Variants in FRMD4A observed in about 807,000 individuals in gnomAD.
FRMD4A encodes the protein FERM domain-containing protein 4A.
FRMD4A carries 29 observed loss-of-function variants against 129.1 expected under a neutral mutation model. That is an observed-to-expected ratio of 0.22 (90% CI 0.17 to 0.31). The LOEUF is 0.31. Ranked by LOEUF, FRMD4A falls within the 10% of genes least tolerant of loss-of-function variation. The pLI is 1.00. For missense variants in FRMD4A, 1,272 were observed against 1,375.8 expected (o/e 0.92, Z 1.19); for synonymous variants, 634 against 571.6 (o/e 1.11, Z -1.56).
intron 2 of FRMD4A, among the ~76,000 whole-genome samples, chr10:13,904,741 C>G (rs1274823751): frequency 1.3e-5 from 2 of 151,990 alleles, no homozygotes; most frequent in African/African-American, 4.8e-5. Context: ...GTTTGTAATC[C>G]CAGCACTTTG....
chr10:13,693,319 C>T, intron 15 of FRMD4A: 1 of 211,002 alleles, frequency 4.7e-6, no homozygotes, highest in South Asian at 6.6e-5. Context: ...CTCCTCTGTC[C>T]CTCCCAACAT....
At chr10:13,807,878 A>G (rs1328177337) in intron 4 of FRMD4A, among the ~76,000 whole-genome samples, 1 of 149,840 alleles carries the variant, frequency 6.7e-6, no homozygotes, top group South Asian at 2.1e-4. Context: ...GGCTCACTGC[A>G]AACTCTGCCT....
chr10:14,038,962 T>G (rs1833634117), intron 2 of FRMD4A, among the ~76,000 whole-genome samples: 1 of 152,226 alleles, frequency 6.6e-6, no homozygotes, highest in Non-Finnish European at 1.5e-5. Flanking sequence ...TTGAGCATTT[T>G]TGAAAGGGCC....
intron 2 of FRMD4A, among the ~76,000 whole-genome samples, chr10:14,282,813 T>C: frequency 6.6e-6 from 1 of 152,208 alleles, no homozygotes; most frequent in Non-Finnish European, 1.5e-5. Flanking sequence ...TTAGGGTTCT[T>C]CAAGCAAAAA....
chr10:14,327,757 G>C (rs146223584), intron 2 of FRMD4A, among the ~76,000 whole-genome samples: 1 of 152,246 alleles, frequency 6.6e-6, no homozygotes, highest in East Asian at 1.9e-4. Context: ...CACCAACCTG[G>C]TATCAGCCTC....
Position 13,900,411 on chromosome 10 carries a change from AG to A in FRMD4A, c.46-41500del, listed in dbSNP as rs1381313998. On this transcript the variant is annotated intron_variant, in intron 2 of 24. Transcript: ENST00000357447. The stretch of plus-strand genomic sequence containing the variant: ...CTCATGGCAACAAAAACCCAGAGCA[AG>A]GCTTCCTGAAACACAGACAAGAATC... 2.0e-5 allele frequency among the ~76,000 whole-genome samples: 3 copies of A among 152,320 alleles called. No homozygotes were observed. In the East Asian group the frequency reaches 5.8e-4, roughly 29 times the overall value.
At chr10:14,069,868 G>C (rs1315368829) in intron 2 of FRMD4A, among the ~76,000 whole-genome samples, 2 of 152,064 alleles carry the variant, frequency 1.3e-5, no homozygotes, top group Non-Finnish European at 2.9e-5. Flanking sequence ...GAATTCTCCT[G>C]GCCCTTTATT....
At chr10:14,266,829 G>A (rs994252862) in intron 2 of FRMD4A, among the ~76,000 whole-genome samples, 10 of 152,096 alleles carry the variant, frequency 6.6e-5, no homozygotes, top group African/African-American at 2.4e-4. Flanking sequence ...GGAACACTAG[G>A]AATTTTAGGG....
intron 2 of FRMD4A, among the ~76,000 whole-genome samples, chr10:13,865,542 C>T (rs1277962312): frequency 6.6e-6 from 1 of 151,450 alleles, no homozygotes; most frequent in Non-Finnish European, 1.5e-5. Context: ...CTTCAACCTC[C>T]CAGGCTCAAG....
chr10:13,995,686 G>C lies in FRMD4A; in HGVS notation c.46-136774C>G, dbSNP rs143962075. Reference sequence around the variant, plus strand: ...GTAATGTCAAATGGCACGGCATGTGGCCTTGGGAGCTGAGGTTCTGCTCGT... The same window carrying C: ...GTAATGTCAAATGGCACGGCATGTGCCCTTGGGAGCTGAGGTTCTGCTCGT... On this transcript the variant is annotated intron_variant, in intron 2 of 24. Transcript: ENST00000357447. Among the ~76,000 whole-genome samples the C allele has an allele frequency of 2.1e-3, 316 of 152,334 alleles. 3 individuals carry two copies. Among genetic ancestry groups the C allele is most frequent in the African/African-American group, 7.4e-3 (306 of 41,586 alleles).
chr10:13,936,259 A>G (rs1421707513), intron 2 of FRMD4A, among the ~76,000 whole-genome samples: 1 of 152,138 alleles, frequency 6.6e-6, no homozygotes, highest in Non-Finnish European at 1.5e-5. Flanking sequence ...TTCATGCAGC[A>G]CGGTAGTCAT....
At chr10:14,082,390 T>C (rs1310191232) in intron 2 of FRMD4A, among the ~76,000 whole-genome samples, 3 of 152,188 alleles carry the variant, frequency 2.0e-5, no homozygotes, top group Non-Finnish European at 4.4e-5. Flanking sequence ...CTTACTTAAG[T>C]AGGTTGATGG....
chr10:13,689,725 G>C (rs1479406968), intron 15 of FRMD4A, among the ~76,000 whole-genome samples: 1 of 147,164 alleles, frequency 6.8e-6, no homozygotes, highest in Non-Finnish European at 1.5e-5. Flanking sequence ...GCTATATTAA[G>C]AAGATTTTTT....
intron 2 of FRMD4A, among the ~76,000 whole-genome samples, chr10:14,250,770 G>A (rs1420685276): frequency 6.6e-6 from 1 of 152,140 alleles, no homozygotes; most frequent in Non-Finnish European, 1.5e-5. Context: ...ATGAAGACAT[G>A]GGCACAGTGA....
At chr10:14,146,082 A>G (rs1840060367) in intron 2 of FRMD4A, among the ~76,000 whole-genome samples, 1 of 152,184 alleles carries the variant, frequency 6.6e-6, no homozygotes, top group Admixed American at 6.5e-5. Context: ...AAATTACTTA[A>G]CATCTCTGTG....
intron 2 of FRMD4A, among the ~76,000 whole-genome samples, chr10:13,909,907 C>G (rs1235836561): frequency 6.6e-6 from 1 of 152,182 alleles, no homozygotes; most frequent in Non-Finnish European, 1.5e-5. Flanking sequence ...CATGGCCAAT[C>G]TCTTTTAAGT....
At chr10:14,156,315 A>G (rs1840597345) in intron 2 of FRMD4A, among the ~76,000 whole-genome samples, 1 of 152,170 alleles carries the variant, frequency 6.6e-6, no homozygotes, top group Non-Finnish European at 1.5e-5. Context: ...TAATTACAAT[A>G]ATACACACCC....
chr10:13,834,845 C>T (rs942474686), intron 3 of FRMD4A, among the ~76,000 whole-genome samples: 3 of 152,174 alleles, frequency 2.0e-5, no homozygotes, highest in Non-Finnish European at 4.4e-5. Context: ...ACAGGGTTAA[C>T]ATTTCCCCTC....
intron 15 of FRMD4A, chr10:13,684,984 T>G: frequency 3.1e-6 from 3 of 982,292 alleles, no homozygotes; most frequent in Non-Finnish European, 3.6e-6. Flanking sequence ...GTTAGAATTC[T>G]TCTTTATGAT....
Sources: gnomAD v4.1 joint callset for allele counts (sites outside exome capture counted in the v4.1 genomes callset) on GRCh38, gnomAD v4.1.1 for gene constraint, MANE v1.5 for transcripts, NCBI Gene and HGNC (gene_info 2026-07-23, HGNC 2026-07-21) for gene names.